STX7: variants seen among roughly 807,000 people sequenced by gnomAD.
STX7 encodes syntaxin-7.
STX7 carries 34 observed loss-of-function variants against 39.6 expected under a neutral mutation model. That is an observed-to-expected ratio of 0.86 (90% CI 0.65 to 1.14). The LOEUF (loss-of-function observed/expected upper bound fraction) is 1.14, where lower values mean the gene tolerates loss of function less well. Ranked by LOEUF, STX7 falls within the 50% of genes most tolerant of loss-of-function variation. STX7 has a pLI of 0.00. For missense variants in STX7, 284 were observed against 310.4 expected (o/e 0.92, Z 0.64); for synonymous variants, 119 against 99.1 (o/e 1.20, Z -1.19).
Position 132,464,018 on chromosome 6 carries a change from T to C in STX7, c.668A>G (p.Gln223Arg), listed in dbSNP as rs750828676. 1.2e-6 allele frequency: 2 copies of C among 1,614,180 alleles called. No individual in the cohort carries two copies. The highest frequency in any genetic ancestry group is 1.7e-6 in the Non-Finnish European group (2 of 1,180,010). Residue 223 changes from glutamine (Q) to arginine (R), a missense_variant, in exon 9 of 10, where the codon CAG becomes CGG. Coordinates refer to ENST00000367941, the MANE Select transcript of STX7 (RefSeq NM_003569.3). ...CTGATAATCTGCTGCCCTTGACAGC[T>C]GCTGATTTGCTTGCTGAACGTGCAC... Reference protein sequence around the residue: ...AEVHVQQANQQLSRAADYQRK... With the variant: ...AEVHVQQANQRLSRAADYQRK...
Position 132,493,639 on chromosome 6 carries a change from C to T in STX7, c.85+9807G>A, listed in dbSNP as rs9493333. Among the ~76,000 whole-genome samples the T allele has an allele frequency of 3.9e-3, 591 of 152,272 alleles. 3 individuals carry two copies. The highest frequency in any genetic ancestry group is 0.013 in the African/African-American group (554 of 41,542). ...AATGTGATCCATTACACCTCTTTTT[C>T]TTTATAAGCTACCCAGTCTCAGGTA... is the stretch of plus-strand genomic sequence containing the variant. On this transcript the variant is annotated intron_variant, in intron 2 of 9. Transcript: ENST00000367941.
chr6:132,485,096 A>AG (rs1775100522), intron 2 of STX7, among the ~76,000 whole-genome samples: 1 of 152,136 alleles, frequency 6.6e-6, no homozygotes, highest in African/African-American at 2.4e-5. Context: ...ACATCTGTAA[A>AG]ACCATCATCA....
chr6:132,481,377 C>A (rs1775012758), intron 2 of STX7, among the ~76,000 whole-genome samples: 1 of 151,974 alleles, frequency 6.6e-6, no homozygotes, highest in Non-Finnish European at 1.5e-5. Flanking sequence ...TTTTAAGATT[C>A]TTTGAACATT....
intron 2 of STX7, among the ~76,000 whole-genome samples, chr6:132,487,157 T>C (rs1223010168): frequency 6.6e-6 from 1 of 152,238 alleles, no homozygotes; most frequent in Non-Finnish European, 1.5e-5. Flanking sequence ...TTTCAATTTC[T>C]TGATATAGAG....
chr6:132,485,466 TCCTATAAGTATATGC>T (rs554135400), intron 2 of STX7, among the ~76,000 whole-genome samples: 6 of 152,314 alleles, frequency 3.9e-5, no homozygotes, highest in African/African-American at 1.2e-4. Flanking sequence ...CAAATAAAGC[TCCTATAAGTATATGC>T]CCTACAAGTC....
rs1163950918 is a variant in STX7 at position 132,473,953 on chromosome 6, G to GTGGCTC, written c.156-1579_156-1578insGAGCCA. On this transcript the variant is annotated intron_variant, in intron 3 of 9. Transcript: ENST00000367941. ...GTTTTAAAAAGAAGACCTTAGGCTG[G>GTGGCTC]ACATGGTGGCTCATGCCTGTAATCA... Among the ~76,000 whole-genome samples the GTGGCTC allele has an allele frequency of 2.8e-3, 429 of 152,098 alleles. 2 individuals carry two copies. Among genetic ancestry groups the GTGGCTC allele is most frequent in the African/African-American group, 8.4e-3 (347 of 41,486 alleles).
intron 2 of STX7, among the ~76,000 whole-genome samples, chr6:132,493,626 T>G (rs1244848762): frequency 1.3e-5 from 2 of 152,206 alleles, no homozygotes; most frequent in Non-Finnish European, 2.9e-5. Context: ...TGTGATCCAT[T>G]ACACCTCTTT....
At chr6:132,503,728 C>A in intron 1 of STX7, 140 bp from the exon 2 acceptor site, 1 of 383,532 alleles carries the variant, frequency 2.6e-6, no homozygotes, top group Non-Finnish European at 4.7e-6. Context: ...CATCAAATAG[C>A]AAAACTCTCA....
At chr6:132,511,774 T>A (rs929859155) in intron 1 of STX7, among the ~76,000 whole-genome samples, 3 of 152,232 alleles carry the variant, frequency 2.0e-5, no homozygotes, top group African/African-American at 7.2e-5. Flanking sequence ...AACTTGCAAA[T>A]TAAATGGAAT....
chr6:132,467,733 C>T (rs1372158754), intron 8 of STX7, among the ~76,000 whole-genome samples: 1 of 152,052 alleles, frequency 6.6e-6, no homozygotes, highest in East Asian at 1.9e-4. Flanking sequence ...TTCAGTTGGA[C>T]CAAATTCAGA....
At chr6:132,497,745 A>G (rs550465896) in intron 2 of STX7, among the ~76,000 whole-genome samples, 1 of 152,294 alleles carries the variant, frequency 6.6e-6, no homozygotes, top group East Asian at 1.9e-4. Context: ...GGTACCTTAT[A>G]CTTATAAACC....
intron 5 of STX7, 107 bp from the exon 6 acceptor site, chr6:132,470,733 A>T: frequency 1.3e-6 from 1 of 743,438 alleles, no homozygotes; most frequent in Non-Finnish European, 2.3e-6. Flanking sequence ...TGATTTATGT[A>T]CGTGTCTGTG....
chr6:132,507,278 C>T (rs554152006), intron 1 of STX7, among the ~76,000 whole-genome samples: 1 of 152,232 alleles, frequency 6.6e-6, no homozygotes, highest in South Asian at 2.1e-4. Flanking sequence ...ATGTGCACCC[C>T]TTAAATTTAT....
At chr6:132,488,533 C>T (rs1775197765) in intron 2 of STX7, among the ~76,000 whole-genome samples, 1 of 152,010 alleles carries the variant, frequency 6.6e-6, no homozygotes, top group Non-Finnish European at 1.5e-5. Flanking sequence ...GTGTTTGCTC[C>T]ATGTATTTTA....
intron 2 of STX7, among the ~76,000 whole-genome samples, chr6:132,502,123 A>C (rs1254409163): frequency 1.3e-5 from 2 of 152,216 alleles, no homozygotes; most frequent in Non-Finnish European, 2.9e-5. Flanking sequence ...ATTTTATACC[A>C]CTGTGCACAG....
Position 132,460,716 on chromosome 6 carries a change from T to C in STX7, c.*42A>G, listed in dbSNP as rs1466108281. ...ACATGATTACAGGAATCTTCCTACA[T>C]AATTTAGACAATGTAGTGCGACAGT... On this transcript the variant is annotated 3_prime_UTR_variant, in exon 10 of 10. Coordinates refer to ENST00000367941, the MANE Select transcript of STX7 (RefSeq NM_003569.3). 1.4e-6 allele frequency: 2 copies of C among 1,382,676 alleles called. No individual in the cohort carries two copies. The highest frequency in any genetic ancestry group is 2.9e-5 in the African/African-American group (2 of 69,028). The allele number at this position is 1,382,676 out of a possible 1,614,324, so 85.7% of individuals were successfully genotyped here.
chr6:132,463,531 C>A (rs536467431), intron 9 of STX7, among the ~76,000 whole-genome samples: 110 of 152,254 alleles, frequency 7.2e-4, no homozygotes, highest in African/African-American at 2.6e-3. Context: ...CAGTGACACT[C>A]CAAGCTAATA....
chr6:132,464,155 G>T (rs1415291981), intron 8 of STX7, 80 bp from the exon 9 acceptor site: 8 of 1,346,030 alleles, frequency 5.9e-6, no homozygotes, highest in African/African-American at 2.9e-5. Flanking sequence ...TTTCATTCAA[G>T]GTAAGATTAA....
At chr6:132,501,664 C>T (rs1047675274) in intron 2 of STX7, among the ~76,000 whole-genome samples, 3 of 152,072 alleles carry the variant, frequency 2.0e-5, no homozygotes, top group Admixed American at 6.6e-5. Context: ...GACAGTCATT[C>T]CTCATCCTCA....
Sources: gnomAD v4.1 joint callset for allele counts (sites outside exome capture counted in the v4.1 genomes callset) on GRCh38, gnomAD v4.1.1 for gene constraint, MANE v1.5 for transcripts, NCBI Gene and HGNC (gene_info 2026-07-23, HGNC 2026-07-21) for gene names.